CEACAM5: variants seen among roughly 807,000 people sequenced by gnomAD.
CEACAM5 encodes the protein cell adhesion molecule CEACAM5.
In CEACAM5, 52 loss-of-function variants were observed where a neutral mutation model predicts 63.0. The observed-to-expected ratio is 0.83, with a 90% CI of 0.66 to 1.04. The LOEUF (loss-of-function observed/expected upper bound fraction) is 1.04, where lower values mean the gene tolerates loss of function less well. Ranked by LOEUF, CEACAM5 falls within the 50% of genes least tolerant of loss-of-function variation. The pLI is 0.00. For synonymous variants in CEACAM5, 357 were observed against 351.3 expected (o/e 1.02, Z -0.18); for missense variants, 790 against 864.8 (o/e 0.91, Z 1.08).
rs782384967 is a variant in CEACAM5 at position 41,715,657 on chromosome 19, G to T, written c.711G>T (p.Pro237=). The T allele has an allele frequency of 1.2e-6, 2 of 1,613,964 alleles. No individual in the cohort carries two copies. Among genetic ancestry groups the T allele is most frequent in the Non-Finnish European group, 1.7e-6 (2 of 1,180,010 alleles). ...TTATTTTGTTTGCTCCAGATGGCCC[G>T]GATGCCCCCACCATTTCCCCTCTAA... The part of the protein sequence containing the change: ...DSVILNVLYG[P]DAPTISPLNT... Residue 237 remains proline (P), a synonymous_variant, in exon 4 of 10, where the codon CCG becomes CCT. Transcript: ENST00000221992.
At chr19:41,715,549 A>T in intron 3 of CEACAM5, 101 bp from the exon 4 acceptor site, 1 of 1,463,122 alleles carries the variant, frequency 6.8e-7, no homozygotes. Flanking sequence ...AGACTTTAGG[A>T]TTGTGATTCA....
In CEACAM5 at chr19:41,709,879, A is replaced by G; in HGVS notation, c.264A>G (p.Gln88=). 2 of 1,614,152 alleles carry G rather than the reference A, an allele frequency of 1.2e-6. No individual in the cohort carries two copies. Among genetic ancestry groups the G allele is most frequent in the Non-Finnish European group, 1.7e-6 (2 of 1,180,024 alleles). The change falls in exon 2 of 10, where the codon CAA becomes CAG. Residue 88 remains glutamine (Q), a synonymous_variant. Transcript: ENST00000221992. The stretch of plus-strand genomic sequence containing the variant: ...TAGGATATGTAATAGGAACTCAACA[A>G]GCTACCCCAGGGCCCGCATACAGTG... ...QIIGYVIGTQ[Q]ATPGPAYSGR...
intron 8 of CEACAM5, among the ~76,000 whole-genome samples, chr19:41,724,689 G>C (rs1423268157): frequency 2.6e-5 from 4 of 151,994 alleles, no homozygotes. Flanking sequence ...CACCTCCTTG[G>C]TTAAGCTTAT....
intron 4 of CEACAM5, 37 bp from the exon 5 acceptor site, chr19:41,717,418 G>A (rs2072543604): frequency 6.3e-7 from 1 of 1,588,132 alleles, no homozygotes; most frequent in Non-Finnish European, 8.6e-7. Context: ...AATCACAGGT[G>A]CCACACAGGG....
rs1485084119 is a variant in CEACAM5, at chr19:41,729,174, T to C, written c.*37-10T>C. 3 of 152,234 alleles carry C rather than the reference T, an allele frequency of 2.0e-5. No individual in the cohort carries two copies. Among genetic ancestry groups the C allele is most frequent in the African/African-American group, 7.2e-5 (3 of 41,460 alleles). The allele number at this position is 152,234 out of a possible 1,614,324, so 9.4% of individuals were successfully genotyped here. A position where few individuals can be genotyped will look rare whatever the true frequency, so the allele number is the denominator to read the frequency against. On this transcript the variant is annotated splice_polypyrimidine_tract_variant and intron_variant, in intron 9 of 9. Transcript: ENST00000221992. ...TAACTGTACTCATTTTAAATCTTTG[T>C]CATTCACAGACAGTTGTTTTGCTTC...
chr19:41,728,877 C>T (rs1555817549), intron 9 of CEACAM5, among the ~76,000 whole-genome samples: 4 of 151,492 alleles, frequency 2.6e-5, no homozygotes, highest in African/African-American at 9.7e-5. Flanking sequence ...TGGGCTCCAC[C>T]AGGAAATTAG....
chr19:41,723,254 A>G (rs563917426), intron 8 of CEACAM5, among the ~76,000 whole-genome samples: 186 of 152,180 alleles, frequency 1.2e-3, no homozygotes, highest in African/African-American at 4.1e-3. Context: ...GAACCACCAT[A>G]CCATTTTCCA....
At chr19:41,728,452 A>T (rs1045364424) in intron 9 of CEACAM5, among the ~76,000 whole-genome samples, 1 of 152,192 alleles carries the variant, frequency 6.6e-6, no homozygotes, top group Non-Finnish European at 1.5e-5. Flanking sequence ...AATAGGTAGG[A>T]CTTGGGGCTA....
In CEACAM5 at chr19:41,715,749, A is replaced by G. The variant is rs782528208; in HGVS notation, c.803A>G (p.Gln268Arg). 8.7e-6 allele frequency: 14 copies of G among 1,614,094 alleles called. No homozygotes were observed. In the East Asian group the frequency reaches 3.1e-4, roughly 36 times the overall value. ...SCHAASNPPA[Q>R]YSWFVNGTFQ... is the part of the protein sequence containing the mutation. Reference sequence around the variant, plus strand: ...CACGCAGCCTCTAACCCACCTGCACAGTACTCTTGGTTTGTCAATGGGACT... The same window carrying G: ...CACGCAGCCTCTAACCCACCTGCACGGTACTCTTGGTTTGTCAATGGGACT... The change falls in exon 4 of 10, where the codon CAG (glutamine) becomes CGG (arginine). Residue 268 changes from glutamine (Q) to arginine (R), a missense_variant. Coordinates refer to ENST00000221992, the MANE Select transcript of CEACAM5 (RefSeq NM_004363.6).
Position 41,709,774 on chromosome 19 carries a change from A to G in CEACAM5, c.159A>G (p.Leu53=). Residue 53 remains leucine (L), a synonymous_variant, in exon 2 of 10, where the codon CTA becomes CTG. Coordinates refer to ENST00000221992, the MANE Select transcript of CEACAM5 (RefSeq NM_004363.6). ...TCGCAGAGGGGAAGGAGGTGCTTCT[A>G]CTTGTCCACAATCTGCCCCAGCATC... The part of the protein sequence containing the change: ...FNVAEGKEVL[L]LVHNLPQHLF... 6.2e-7 allele frequency: 1 copy of G among 1,614,150 alleles called. No individual in the cohort carries two copies. The highest frequency in any genetic ancestry group is 8.5e-7 in the Non-Finnish European group (1 of 1,180,016).
chr19:41,714,148 G>A (rs1173031279), intron 2 of CEACAM5, among the ~76,000 whole-genome samples: 1 of 152,186 alleles, frequency 6.6e-6, no homozygotes, highest in Non-Finnish European at 1.5e-5. Context: ...CCGGGAGGCA[G>A]AGGTTGCCAT....
chr19:41,725,040 C>T lies in CEACAM5; in HGVS notation c.2027-2194C>T, dbSNP rs531179461. Among the ~76,000 whole-genome samples, 9 of 152,142 alleles carry T rather than the reference C, an allele frequency of 5.9e-5. No homozygotes were observed. The East Asian group carries it at 1.5e-3, about 26-fold the overall frequency. On this transcript the variant is annotated intron_variant, in intron 8 of 9. Coordinates refer to ENST00000221992, the MANE Select transcript of CEACAM5 (RefSeq NM_004363.6). Reference sequence around the variant, plus strand: ...CATTCTTGTCTTGTTCCTGGTCTTACAGGGAAAGCTTTCAGTCTTTCTCCA... The same window carrying T: ...CATTCTTGTCTTGTTCCTGGTCTTATAGGGAAAGCTTTCAGTCTTTCTCCA...
At chr19:41,721,870 G>A (rs1357751090) in intron 8 of CEACAM5, among the ~76,000 whole-genome samples, 1 of 152,222 alleles carries the variant, frequency 6.6e-6, no homozygotes, top group African/African-American at 2.4e-5. Context: ...TGAAGTCACT[G>A]GCTGTATGAG....
At position 41,709,826 on chromosome 19, in the gene CEACAM5, G is replaced by A. The variant is rs201178300; in HGVS notation, c.211G>A (p.Glu71Lys). ...TTTTGGCTACAGCTGGTACAAAGGT[G>A]AAAGAGTGGATGGCAACCGTCAAAT... Reference protein sequence around the residue: ...HLFGYSWYKGERVDGNRQIIG... With the variant: ...HLFGYSWYKGKRVDGNRQIIG... The change falls in exon 2 of 10, where the codon GAA (glutamate) becomes AAA (lysine). Residue 71 changes from glutamate (E) to lysine (K), a missense_variant. By Grantham distance (56) the Glu-to-Lys change is moderately conservative. Transcript: ENST00000221992. 1.7e-5 allele frequency: 27 copies of A among 1,614,094 alleles called. No homozygotes were observed. The African/African-American group carries it at 1.9e-4, about 11-fold the overall frequency.
rs782707279 is a variant in CEACAM5 at position 41,718,115 on chromosome 19, C to A, written c.1238-13C>A. The A allele has an allele frequency of 1.2e-6, 2 of 1,613,872 alleles. No individual in the cohort carries two copies. The highest frequency in any genetic ancestry group is 1.7e-6 in the Non-Finnish European group (2 of 1,179,806). On this transcript the variant is annotated splice_polypyrimidine_tract_variant and intron_variant, in intron 5 of 9. Coordinates refer to ENST00000221992, the MANE Select transcript of CEACAM5 (RefSeq NM_004363.6). ...GATGACATTCACCTGTGGCCCTATTCTCTTTGCTCCAGATGGCCCAGACGA... is the reference window on the plus strand; with the variant it reads ...GATGACATTCACCTGTGGCCCTATTATCTTTGCTCCAGATGGCCCAGACGA...
At position 41,730,279 on chromosome 19, in the gene CEACAM5, G is replaced by A. The variant is rs1053744424; in HGVS notation, c.*1132G>A. Reference sequence around the variant, plus strand: ...ACTAAAAATACAAAAAAAGTTAGCCGGGCGTGGTGGTGGGGGCCTGTAGTC... The same window carrying A: ...ACTAAAAATACAAAAAAAGTTAGCCAGGCGTGGTGGTGGGGGCCTGTAGTC... On this transcript the variant is annotated 3_prime_UTR_variant, in exon 10 of 10. Coordinates refer to ENST00000221992, the MANE Select transcript of CEACAM5 (RefSeq NM_004363.6). 2.0e-5 allele frequency among the ~76,000 whole-genome samples: 3 copies of A among 152,020 alleles called. No individual in the cohort carries two copies. Among genetic ancestry groups the A allele is most frequent in the Non-Finnish European group, 4.4e-5 (3 of 67,998 alleles).
intron 8 of CEACAM5, among the ~76,000 whole-genome samples, chr19:41,723,112 C>A (rs1555816546): frequency 6.6e-6 from 1 of 151,868 alleles, no homozygotes; most frequent in Non-Finnish European, 1.5e-5. Flanking sequence ...CTGAGTTTCA[C>A]AGTGTTAGCC....
chr19:41,714,088 G>A lies in CEACAM5; in HGVS notation c.425-883G>A, dbSNP rs566435156. On this transcript the variant is annotated intron_variant, in intron 2 of 9. Transcript: ENST00000221992. ...AATTTAGCTGGGTGTGGTGGTGGGC[G>A]CCTGTAGTCCCAGCTACTCGGGAGG... Among the ~76,000 whole-genome samples, 4 of 152,172 alleles carry A rather than the reference G, an allele frequency of 2.6e-5. No homozygotes were observed. In the East Asian group the frequency reaches 5.8e-4, roughly 22 times the overall value.
At chr19:41,723,335 CTTA>C (rs1286104584) in intron 8 of CEACAM5, among the ~76,000 whole-genome samples, 1 of 152,162 alleles carries the variant, frequency 6.6e-6, no homozygotes, top group Non-Finnish European at 1.5e-5. Flanking sequence ...CTTGAAAACA[CTTA>C]TTGTTTTGTG....
Sources: gnomAD v4.1 joint callset for allele counts (sites outside exome capture counted in the v4.1 genomes callset) on GRCh38, gnomAD v4.1.1 for gene constraint, MANE v1.5 for transcripts, NCBI Gene and HGNC (gene_info 2026-07-23, HGNC 2026-07-21) for gene names.